The following RACGAP1 variants were observed in gnomAD, a reference collection of about 807,000 sequenced individuals.
RACGAP1 encodes Rac GTPase activating protein 1.
Under a neutral mutation model 78.1 loss-of-function variants are expected in RACGAP1, and 30 were observed. The observed-to-expected ratio is 0.38, with a 90% CI of 0.29 to 0.52. The LOEUF (loss-of-function observed/expected upper bound fraction) is 0.52, where lower values mean the gene tolerates loss of function less well. Among genes scored for constraint, RACGAP1 ranks in the 20% least tolerant of loss-of-function variants. The pLI is 0.82. For missense variants in RACGAP1, 587 were observed against 777.1 expected, an observed-to-expected ratio of 0.76 and a Z score of 2.91; for synonymous variants, 231 against 264.8, an observed-to-expected ratio of 0.87 and a Z score of 1.24.
chr12:49,994,506 T>G lies in RACGAP1; in HGVS notation c.1048A>C (p.Met350Leu), dbSNP rs1362223088. ...GTCTGGGACACAAAGTCTGCCAGCA[T>G]TCCCTGGAAAAAAAAAAGAGCTTTA... is the stretch of plus-strand genomic sequence containing the variant. ...IGTPVKIGEG[M>L]LADFVSQTSP... Residue 350 changes from methionine to leucine, a missense_variant, in exon 11 of 17, where the codon ATG becomes CTG. Physicochemically the swap from Met to Leu is conservative, Grantham distance 15. Transcript: ENST00000312377. 6.2e-7 allele frequency: 1 copy of G among 1,610,042 alleles called. No homozygotes were observed. The highest frequency in any genetic ancestry group is 2.2e-5 in the East Asian group (1 of 44,870).
At chr12:50,010,921 GA>G (rs1186884787) in intron 2 of RACGAP1, among the ~76,000 whole-genome samples, 2 of 94,168 alleles carry the variant, frequency 2.1e-5, no homozygotes, top group Non-Finnish European at 4.2e-5. Context: ...AACAAAGAGC[GA>G]AAAATTCTGT....
intron 10 of RACGAP1, among the ~76,000 whole-genome samples, chr12:49,995,103 CT>C (rs1948165596): frequency 6.6e-6 from 1 of 152,168 alleles, no homozygotes. Flanking sequence ...AATCCCAGCA[CT>C]GTAGGAGGCC....
intron 7 of RACGAP1, among the ~76,000 whole-genome samples, 192 bp from the exon 8 acceptor site, chr12:49,999,925 C>T (rs1948554223): frequency 6.6e-6 from 1 of 151,992 alleles, no homozygotes; most frequent in African/African-American, 2.4e-5. Context: ...GATCTCGGCT[C>T]ACTGCAACCT....
chr12:50,021,231 G>A, intron 1 of RACGAP1: 1 of 571,742 alleles, frequency 1.7e-6, no homozygotes, highest in Non-Finnish European at 2.2e-6. Context: ...TGCTTTTGCA[G>A]CTGTAAAACA....
intron 2 of RACGAP1, among the ~76,000 whole-genome samples, chr12:50,013,452 G>GGTCTTATTATCACAATCTCTTCTACCC (rs1949474872): frequency 6.6e-6 from 1 of 152,134 alleles, no homozygotes; most frequent in Non-Finnish European, 1.5e-5. Context: ...TCCTTCTACA[G>GGTCTTATTATCACAATCTCTTCTACCC]GTCTTATTAT....
At chr12:49,999,780 T>G in intron 7 of RACGAP1, 47 bp from the exon 8 acceptor site, 1 of 1,408,596 alleles carries the variant, frequency 7.1e-7, no homozygotes, top group Non-Finnish European at 1.0e-6. Context: ...GAATCTAACT[T>G]ACCCTCCACT....
chr12:50,017,217 C>T, intron 1 of RACGAP1: 1 of 382,302 alleles, frequency 2.6e-6, no homozygotes, highest in Non-Finnish European at 3.6e-6. Context: ...ACCAAAAGCA[C>T]AGATGACGTC....
chr12:50,027,858 G>A (rs193228544), upstream of RACGAP1, among the ~76,000 whole-genome samples: 65 of 152,168 alleles, frequency 4.3e-4, no homozygotes, highest in African/African-American at 1.5e-3. Context: ...ATCAATACAC[G>A]AGAAAGCGTT....
Position 50,016,694 on chromosome 12 carries a change from C to A in RACGAP1, c.22G>T (p.Val8Leu). Residue 8 changes from valine to leucine, a missense_variant, in exon 2 of 17, where the codon GTG (valine) becomes TTG (leucine). Physicochemically the swap from Val to Leu is conservative, Grantham distance 32 (BLOSUM62 1). Transcript: ENST00000312377. MDTMMLNVRNLFEQLVRR... is the reference protein window; with the variant it reads MDTMMLNLRNLFEQLVRR... ...ACAAGCTGCTCAAACAGATTCCGCACATTCAGCATCATAGTATCCATCTTT... is the reference window on the plus strand; with the variant it reads ...ACAAGCTGCTCAAACAGATTCCGCAAATTCAGCATCATAGTATCCATCTTT... 5 of 1,614,002 alleles carry A rather than the reference C, an allele frequency of 3.1e-6. No individual in the cohort carries two copies. The highest frequency in any genetic ancestry group is 4.2e-6 in the Non-Finnish European group (5 of 1,180,042).
chr12:49,990,380 A>T (rs1452597469), intron 16 of RACGAP1, 37 bp from the exon 17 acceptor site: 2 of 1,541,418 alleles, frequency 1.3e-6, no homozygotes, highest in African/African-American at 2.7e-5. Flanking sequence ...AAAATATTCT[A>T]TAAAAAATGG....
At chr12:50,025,626 G>C (rs1048014198), upstream of RACGAP1, 1 of 885,928 alleles carries the variant, frequency 1.1e-6, no homozygotes, top group Non-Finnish European at 1.4e-6. Flanking sequence ...CGAAGCCAAA[G>C]GTGGCCATTT....
intron 1 of RACGAP1, among the ~76,000 whole-genome samples, chr12:50,023,887 C>A (rs148404770): frequency 4.4e-4 from 67 of 152,266 alleles, no homozygotes; most frequent in African/African-American, 1.6e-3. Flanking sequence ...ATCGGCCGGG[C>A]GTGGTGGCTC....
chr12:50,019,613 C>A (rs1329024907), intron 1 of RACGAP1: 1 of 151,944 alleles, frequency 6.6e-6, no homozygotes, highest in Non-Finnish European at 1.5e-5. Flanking sequence ...GTAGTCCCAG[C>A]TATTCAGGAG....
At chr12:49,995,692 G>C (rs1002753004) in intron 10 of RACGAP1, among the ~76,000 whole-genome samples, 1 of 151,986 alleles carries the variant, frequency 6.6e-6, no homozygotes, top group Non-Finnish European at 1.5e-5. Context: ...ATGGAGTCTT[G>C]CTTTGTTGTC....
At position 50,000,770 on chromosome 12, in the gene RACGAP1, C is replaced by T. The variant is rs370578300; in HGVS notation, c.630+402G>A. ...TGCATAGAAAAACTTTAACCAAAGGCCAGGCACGGAGGCTCACGCCTGTAA... is the reference window on the plus strand; with the variant it reads ...TGCATAGAAAAACTTTAACCAAAGGTCAGGCACGGAGGCTCACGCCTGTAA... On this transcript the variant is annotated intron_variant, in intron 7 of 16. Transcript: ENST00000312377. Among the ~76,000 whole-genome samples the T allele has an allele frequency of 2.0e-5, 3 of 152,126 alleles. No individual in the cohort carries two copies. In the East Asian group the frequency reaches 5.8e-4, roughly 29 times the overall value.
chr12:49,991,980 G>T lies in RACGAP1; in HGVS notation c.1714+18C>A, dbSNP rs1947913524. ...AAGAGAGAGTCAAGTCCCTGAAGAA[G>T]CACATCTTGGGCCTTACCTTTAATA... On this transcript the variant is annotated intron_variant, in intron 15 of 16. Coordinates refer to ENST00000312377, the MANE Select transcript of RACGAP1 (RefSeq NM_001319999.2). 3.1e-6 allele frequency: 5 copies of T among 1,612,172 alleles called. No individual in the cohort carries two copies. The East Asian group carries it at 1.1e-4, about 36-fold the overall frequency.
chr12:50,017,509 T>C (rs1949746078), intron 1 of RACGAP1, among the ~76,000 whole-genome samples: 1 of 152,200 alleles, frequency 6.6e-6, no homozygotes, highest in Non-Finnish European at 1.5e-5. Flanking sequence ...GAAAAAACAG[T>C]GTCGTTACAG....
chr12:50,020,906 C>T (rs765594139), intron 1 of RACGAP1, among the ~76,000 whole-genome samples: 9 of 152,162 alleles, frequency 5.9e-5, no homozygotes, highest in South Asian at 4.1e-4. Flanking sequence ...ATATAATCCT[C>T]TTCTCTTTAT....
chr12:49,990,494 C>T (rs568929454), intron 16 of RACGAP1, 151 bp from the exon 17 acceptor site: 18 of 825,056 alleles, frequency 2.2e-5, no homozygotes, highest in East Asian at 1.1e-4. Flanking sequence ...TCACCAACAA[C>T]GAGAGAGGGG....
Sources: allele counts gnomAD v4.1 joint callset (sites outside exome capture counted in the v4.1 genomes callset), GRCh38; gene constraint gnomAD v4.1.1; transcripts MANE v1.5; gene names NCBI Gene and HGNC (gene_info 2026-07-23, HGNC 2026-07-21).